The following GTF2F1 variants were observed in gnomAD, a reference collection of about 807,000 sequenced individuals.
GTF2F1 encodes the protein general transcription factor IIF 74 kDa subunit.
In GTF2F1, 39 loss-of-function variants were observed where a neutral mutation model predicts 63.5. The ratio of observed to expected loss-of-function variants is 0.61; its 90% confidence interval spans 0.48 to 0.80. The LOEUF (loss-of-function observed/expected upper bound fraction) is 0.80, where lower values mean the gene tolerates loss of function less well. GTF2F1 is among the 30% of genes least tolerant of loss of function. The probability of loss-of-function intolerance (pLI) is 0.00; values close to 1 mark genes in which losing one functional copy is unlikely to be tolerated. For missense variants in GTF2F1, 657 were observed against 718.3 expected, an observed-to-expected ratio of 0.91 and a Z score of 0.97; for synonymous variants, 287 against 285.3, an observed-to-expected ratio of 1.01 and a Z score of -0.06.
chr19:6,383,384 G>T lies in GTF2F1; in HGVS notation c.609C>A (p.Ser203Arg). Residue 203 changes from serine to arginine, a missense_variant, in exon 6 of 13, where the codon AGC becomes AGA. Coordinates refer to ENST00000394456, the MANE Select transcript of GTF2F1 (RefSeq NM_002096.3). The surrounding 1 kb of genome is among the most constrained non-coding windows in gnomAD (Gnocchi z 4.5). Reference sequence around the variant, plus strand: ...CCTCCAGGTCGTGGATGCGCAGCTCGCTCGCCTTCCTGCGGCCACGTTTCT... The same window carrying T: ...CCTCCAGGTCGTGGATGCGCAGCTCTCTCGCCTTCCTGCGGCCACGTTTCT... ...EKEKRGRRKA[S>R]ELRIHDLEDD... is the part of the protein sequence containing the mutation. 1 of 1,614,172 alleles carries T rather than the reference G, an allele frequency of 6.2e-7. No homozygotes were observed.
At position 6,384,508 on chromosome 19, in the gene GTF2F1, CAAAA is replaced by C. The variant is rs144809526; in HGVS notation, c.498-1017_498-1014del. On this transcript the variant is annotated intron_variant, in intron 5 of 12. Transcript: ENST00000394456. ...CGGTGACAGAGTAAGAATCTGTCTC[CAAAA>C]AAAAAAAAAGGACTGCATTTAATAG... is the stretch of plus-strand genomic sequence containing the variant. 2.2e-5 allele frequency among the ~76,000 whole-genome samples: 3 copies of C among 135,492 alleles called. No individual in the cohort carries two copies. In the South Asian group the frequency reaches 7.1e-4, roughly 32 times the overall value. 88.9% of individuals were successfully genotyped at this position (135,492 alleles called of 152,430 possible).
intron 2 of GTF2F1, chr19:6,392,292 C>T (rs1376329164): frequency 2.0e-6 from 1 of 492,482 alleles, no homozygotes; most frequent in Non-Finnish European, 4.0e-6. Context: ...GACCCATCCT[C>T]TCCTGACCCC....
In GTF2F1 at chr19:6,391,818, G is replaced by C. The variant is rs557279627; in HGVS notation, c.132+84C>G. On this transcript the variant is annotated intron_variant, in intron 3 of 12. Transcript: ENST00000394456. Reference sequence around the variant, plus strand: ...AAATTAAGACTTAGTGACTATGACAGTTAAGCAACTATCACAACCACCAAG... The same window carrying C: ...AAATTAAGACTTAGTGACTATGACACTTAAGCAACTATCACAACCACCAAG... 3.9e-5 allele frequency: 27 copies of C among 687,882 alleles called. No individual in the cohort carries two copies. The East Asian group carries it at 6.2e-4, about 16-fold the overall frequency. 42.6% of individuals were successfully genotyped at this position (687,882 alleles called of 1,614,324 possible).
rs776430368 is a variant in GTF2F1 at position 6,380,599 on chromosome 19, T to C, written c.1323A>G (p.Pro441=). Residue 441 remains proline (P), a synonymous_variant, in exon 12 of 13, where the codon CCA becomes CCG. Coordinates refer to ENST00000394456, the MANE Select transcript of GTF2F1 (RefSeq NM_002096.3). This position sits in a 1 kb window ranked among gnomAD's most constrained non-coding sequence, Gnocchi z 5.3. ...CGCTGTTGGGTGTTGTCTTGCCTGA[T>C]GGTGGCTGGGGTGTCGACTTCCCAG... ...SLSGKSTPQP[P]SGKTTPNSGD... is the part of the protein sequence containing the mutation. 6.8e-6 allele frequency: 11 copies of C among 1,614,044 alleles called. No homozygotes were observed. The highest frequency in any genetic ancestry group is 9.3e-6 in the Non-Finnish European group (11 of 1,180,004).
At position 6,380,353 on chromosome 19, in the gene GTF2F1, G is replaced by C. The variant is rs192571038; in HGVS notation, c.1482C>G (p.Ala494=). The C allele has an allele frequency of 6.8e-6, 11 of 1,614,128 alleles. No homozygotes were observed. In the Admixed American group the frequency reaches 1.8e-4, roughly 27 times the overall value. The change falls in exon 13 of 13, where the codon GCC becomes GCG. Residue 494 remains alanine (A), a synonymous_variant. Coordinates refer to ENST00000394456, the MANE Select transcript of GTF2F1 (RefSeq NM_002096.3). This position sits in a 1 kb window ranked among gnomAD's most constrained non-coding sequence, Gnocchi z 5.3. ...CGGGGTTGAGTCGCTTGAGGATCTGGGCCAACACGTTCACTGTCTGCTCGC... is the reference window on the plus strand; with the variant it reads ...CGGGGTTGAGTCGCTTGAGGATCTGCGCCAACACGTTCACTGTCTGCTCGC... ...LSSEQTVNVL[A]QILKRLNPER...
chr19:6,380,866 C>T lies in GTF2F1; in HGVS notation c.1231+38G>A. 1 of 1,526,184 alleles carries T rather than the reference C, an allele frequency of 6.6e-7. No homozygotes were observed. The highest frequency in any genetic ancestry group is 8.8e-7 in the Non-Finnish European group (1 of 1,140,510). 94.5% of individuals were successfully genotyped at this position (1,526,184 alleles called of 1,614,324 possible). ...CCCAACAGAGGTCAGGAGGCTGTGG[C>T]TGTGGCTGTGGGGAGCGGGGAGGCC... On this transcript the variant is annotated intron_variant, in intron 11 of 12. Coordinates refer to ENST00000394456, the MANE Select transcript of GTF2F1 (RefSeq NM_002096.3). The surrounding 1 kb of genome is among the most constrained non-coding windows in gnomAD (Gnocchi z 5.3).
rs371749050 is a variant in GTF2F1 at position 6,389,477 on chromosome 19, C to T, written c.293G>A (p.Trp98Ter). 1.2e-6 allele frequency: 2 copies of T among 1,614,168 alleles called. No individual in the cohort carries two copies. The highest frequency in any genetic ancestry group is 1.7e-6 in the Non-Finnish European group (2 of 1,180,018). The change falls in exon 4 of 13, where the codon TGG (tryptophan) becomes TAG (stop). Residue 98 changes from tryptophan (W) to a stop codon, truncating the protein, a stop_gained. Transcript: ENST00000394456. LOFTEE classifies it high-confidence loss of function. Reference sequence around the variant, plus strand: ...TGATTTGCCGTTGACCCGGAGCAGCCAGGGCTGGTCCTCGGGCCGGAACTC... The same window carrying T: ...TGATTTGCCGTTGACCCGGAGCAGCTAGGGCTGGTCCTCGGGCCGGAACTC... ...LKEFRPEDQP[W>*]LLRVNGKSGR...
In GTF2F1 at chr19:6,380,945, G is replaced by C; in HGVS notation, c.1190C>G (p.Thr397Ser). 6.3e-7 allele frequency: 1 copy of C among 1,588,790 alleles called. No homozygotes were observed. Among genetic ancestry groups the C allele is most frequent in the Non-Finnish European group, 8.6e-7 (1 of 1,168,028 alleles). Residue 397 changes from threonine to serine, a missense_variant, in exon 11 of 13, where the codon ACC becomes AGC. Coordinates refer to ENST00000394456, the MANE Select transcript of GTF2F1 (RefSeq NM_002096.3). The surrounding 1 kb of genome is among the most constrained non-coding windows in gnomAD (Gnocchi z 5.3). ...GGCAGCCGCCCGCAGGGTGGAGGAG[G>C]TGCTGCCACCCTCTGCGCTGGGCGT... ...PGTPSAEGGS[T>S]SSTLRAAASK...
At chr19:6,391,998 T>C (rs2092000508) in intron 2 of GTF2F1, 24 bp from the exon 3 acceptor site, 2 of 1,265,540 alleles carry the variant, frequency 1.6e-6, no homozygotes, top group African/African-American at 1.5e-5. Flanking sequence ...GAAGAGGTAG[T>C]GTCAATCCAA....
chr19:6,390,650 C>T (rs1397384253), intron 3 of GTF2F1, among the ~76,000 whole-genome samples: 1 of 150,464 alleles, frequency 6.6e-6, no homozygotes, highest in Non-Finnish European at 1.5e-5. Flanking sequence ...AAGGCTGAGG[C>T]GGGTGGATCA....
rs770875178 is a variant in GTF2F1 at position 6,381,778 on chromosome 19, C to A, written c.755G>T (p.Gly252Val). Residue 252 changes from glycine (G) to valine (V), a missense_variant, in exon 7 of 13, where the codon GGT becomes GTT. Physicochemically the swap from Gly to Val is moderately radical, Grantham distance 109. Coordinates refer to ENST00000394456, the MANE Select transcript of GTF2F1 (RefSeq NM_002096.3). This position sits in a 1 kb window ranked among gnomAD's most constrained non-coding sequence, Gnocchi z 4.1. The part of the protein sequence containing the change: ...KGGRKKKKKK[G>V]SDDEAFEDSD... ...GTCCTCGAAGGCCTCGTCGTCTGAA[C>A]CCTTCTTCTTCTTCTTTTTCCTGCC... The A allele has an allele frequency of 6.2e-7, 1 of 1,614,106 alleles. No individual in the cohort carries two copies. The highest frequency in any genetic ancestry group is 1.7e-5 in the Admixed American group (1 of 60,024).
Position 6,393,136 on chromosome 19 carries a change from C to A in GTF2F1, c.-141G>T. On this transcript the variant is annotated 5_prime_UTR_variant, in exon 1 of 13. Coordinates refer to ENST00000394456, the MANE Select transcript of GTF2F1 (RefSeq NM_002096.3). ...GCGAGGACCCCAACCCTAGGCGCCT[C>A]TGGCGCTGGGAAAAGGTAACCGGAA... 4 of 1,096,456 alleles carry A rather than the reference C, an allele frequency of 3.6e-6. No homozygotes were observed. The highest frequency in any genetic ancestry group is 4.0e-6 in the Non-Finnish European group (3 of 742,582). The allele number at this position is 1,096,456 out of a possible 1,614,324, so 67.9% of individuals were successfully genotyped here.
Position 6,380,118 on chromosome 19 carries a change from G to T in GTF2F1, c.*163C>A. On this transcript the variant is annotated 3_prime_UTR_variant, in exon 13 of 13. Transcript: ENST00000394456. The surrounding 1 kb of genome is among the most constrained non-coding windows in gnomAD (Gnocchi z 5.3). ...TAACTTTTCCAGAATTGCTAACTAC[G>T]GGGCCCTGGGAGTCAGGGAGCAAGC... 1.4e-6 allele frequency: 1 copy of T among 699,176 alleles called. No homozygotes were observed. The highest frequency in any genetic ancestry group is 2.5e-5 in the East Asian group (1 of 39,974). The allele number at this position is 699,176 out of a possible 1,614,324, so 43.3% of individuals were successfully genotyped here. A position where few individuals can be genotyped will look rare whatever the true frequency, so the allele number is the denominator to read the frequency against.
rs118093078 is a variant in GTF2F1 at position 6,389,916 on chromosome 19, G to A, written c.133-279C>T. Among the ~76,000 whole-genome samples the A allele has an allele frequency of 5.9e-3, 903 of 152,266 alleles. 3 individuals carry two copies. The highest frequency in any genetic ancestry group is 9.4e-3 in the Non-Finnish European group (640 of 67,996). On this transcript the variant is annotated intron_variant, in intron 3 of 12. Coordinates refer to ENST00000394456, the MANE Select transcript of GTF2F1 (RefSeq NM_002096.3). Reference sequence around the variant, plus strand: ...CCTGGTGACCATCAAGCAGGCCATCGGAGGCAAAATTCCTTATCTGAGGAA... The same window carrying A: ...CCTGGTGACCATCAAGCAGGCCATCAGAGGCAAAATTCCTTATCTGAGGAA...
chr19:6,384,008 T>C (rs1435539644), intron 5 of GTF2F1, among the ~76,000 whole-genome samples: 2 of 149,808 alleles, frequency 1.3e-5, no homozygotes, highest in African/African-American at 4.9e-5. Flanking sequence ...GGTTTCACCA[T>C]GTTGGACAGG....
chr19:6,388,394 C>T (rs945266948), intron 4 of GTF2F1, among the ~76,000 whole-genome samples: 8 of 152,318 alleles, frequency 5.3e-5, no homozygotes, highest in South Asian at 2.1e-4. Flanking sequence ...TCCAAGGCTC[C>T]GCTGGACCCA....
At chr19:6,384,853 G>A (rs1382078108) in intron 5 of GTF2F1, among the ~76,000 whole-genome samples, 1 of 150,480 alleles carries the variant, frequency 6.6e-6, no homozygotes, top group Non-Finnish European at 1.5e-5. Flanking sequence ...GTGTGATCTC[G>A]GCTCACCACA....
chr19:6,389,109 A>G (rs1303096974), intron 4 of GTF2F1, among the ~76,000 whole-genome samples: 1 of 151,608 alleles, frequency 6.6e-6, no homozygotes, highest in East Asian at 1.9e-4. Flanking sequence ...GGTGGCAGGC[A>G]CCTGTAATCC....
intron 3 of GTF2F1, among the ~76,000 whole-genome samples, chr19:6,391,636 G>C (rs548826673): frequency 6.6e-6 from 1 of 151,888 alleles, no homozygotes; most frequent in Admixed American, 6.6e-5. Context: ...TTTTTGTAGA[G>C]TTGGGGTCTT....
Sources: gnomAD v4.1 joint callset for allele counts (sites outside exome capture counted in the v4.1 genomes callset) on GRCh38, gnomAD v4.1.1 for gene constraint, Gnocchi (gnomAD v3.1) non-coding constraint, MANE v1.5 for transcripts, NCBI Gene and HGNC (gene_info 2026-07-23, HGNC 2026-07-21) for gene names.